The following CACNA2D3 variants were observed in gnomAD, a reference collection of about 807,000 sequenced individuals.
CACNA2D3 encodes the protein calcium voltage-gated channel auxiliary subunit alpha2delta 3, also known as voltage-dependent calcium channel subunit alpha-2/delta-3.
A neutral mutation model predicts 160.6 loss-of-function variants in CACNA2D3; 60 were observed. That is an observed-to-expected ratio of 0.37 (90% confidence interval 0.30 to 0.46). CACNA2D3 has a LOEUF of 0.46. Among genes scored for constraint, CACNA2D3 ranks in the 20% least tolerant of loss-of-function variants. The pLI, the probability that CACNA2D3 is intolerant of heterozygous loss-of-function variation, is 1.00. For missense variants in CACNA2D3, 1,205 were observed against 1,365.0 expected (o/e 0.88, Z 1.85); for synonymous variants, 558 against 492.9 (o/e 1.13, Z -1.75).
intron 24 of CACNA2D3, among the ~76,000 whole-genome samples, chr3:54,889,701 C>CAG (rs1329215933): frequency 6.6e-6 from 1 of 152,148 alleles, no homozygotes; most frequent in Non-Finnish European, 1.5e-5. Flanking sequence ...TCTGGAGCCC[C>CAG]AGAGAGACTG....
At chr3:54,804,299 T>C (rs1445723655) in intron 13 of CACNA2D3, among the ~76,000 whole-genome samples, 6 of 152,024 alleles carry the variant, frequency 3.9e-5, no homozygotes, top group African/African-American at 1.2e-4. Flanking sequence ...GTGTGCTGTA[T>C]TCAGGAAACC....
intron 27 of CACNA2D3, among the ~76,000 whole-genome samples, chr3:54,960,347 C>T (rs188840007): frequency 7.2e-5 from 11 of 152,274 alleles, no homozygotes; most frequent in Admixed American, 7.2e-4. Flanking sequence ...TTACCAACCC[C>T]CCATACCACA....
chr3:54,322,819 A>G (rs749728854), intron 3 of CACNA2D3, among the ~76,000 whole-genome samples: 20 of 138,114 alleles, frequency 1.4e-4, no homozygotes, highest in Admixed American at 3.5e-4. Flanking sequence ...TAGTGAAGAT[A>G]AAAAAAAAAA....
chr3:54,295,649 C>A (rs954686147), intron 2 of CACNA2D3, among the ~76,000 whole-genome samples: 1 of 152,170 alleles, frequency 6.6e-6, no homozygotes, highest in Non-Finnish European at 1.5e-5. Flanking sequence ...CAGGAATAGT[C>A]ACTTATGCCT....
At chr3:54,887,107 G>A (rs1559617531) in intron 23 of CACNA2D3, among the ~76,000 whole-genome samples, 1 of 151,952 alleles carries the variant, frequency 6.6e-6, no homozygotes, top group Non-Finnish European at 1.5e-5. Context: ...CCCTTTGGAT[G>A]GCAACAGACA....
intron 2 of CACNA2D3, among the ~76,000 whole-genome samples, chr3:54,305,230 T>G (rs941830389): frequency 1.3e-5 from 2 of 152,242 alleles, no homozygotes; most frequent in Non-Finnish European, 2.9e-5. Flanking sequence ...TTATGTATTT[T>G]TAATCACACA....
At chr3:54,460,205 C>T (rs1276262437) in intron 4 of CACNA2D3, among the ~76,000 whole-genome samples, 19 of 151,934 alleles carry the variant, frequency 1.3e-4, no homozygotes, top group Middle Eastern at 3.4e-3. Context: ...AGTCAGGTAG[C>T]GTGATGCCTC....
chr3:54,933,761 T>C (rs1701263535), intron 27 of CACNA2D3, among the ~76,000 whole-genome samples: 1 of 19,544 alleles, frequency 5.1e-5, no homozygotes, highest in Non-Finnish European at 7.3e-5. Context: ...TTACTATTAC[T>C]TTTTTTTTTT....
intron 5 of CACNA2D3, among the ~76,000 whole-genome samples, chr3:54,541,152 C>CT (rs1271552809): frequency 2.0e-5 from 3 of 151,576 alleles, no homozygotes; most frequent in Non-Finnish European, 4.4e-5. Context: ...TGGCGGGCGC[C>CT]TGTAGTCCCA....
In CACNA2D3 at chr3:54,688,979, CAAAAAAAAAAAAA is replaced by C. The variant is rs1162900126; in HGVS notation, c.1167+46758_1167+46770del. ...CCTGGGAGACAGTGTGAGACTGTCT[CAAAAAAAAAAAAA>C]AAAAAAAAAAAAAAAAAAAGAATGA... On this transcript the variant is annotated intron_variant, in intron 11 of 37. Coordinates refer to ENST00000474759, the MANE Select transcript of CACNA2D3 (RefSeq NM_018398.3). 3.8e-4 allele frequency among the ~76,000 whole-genome samples: 12 copies of C among 31,442 alleles called. No individual in the cohort carries two copies. In the East Asian group the frequency reaches 8.4e-3, roughly 22 times the overall value. 20.6% of individuals were successfully genotyped at this position (31,442 alleles called of 152,430 possible).
intron 31 of CACNA2D3, among the ~76,000 whole-genome samples, chr3:54,990,092 T>G (rs1702706615): frequency 6.6e-6 from 1 of 152,202 alleles, no homozygotes; most frequent in African/African-American, 2.4e-5. Context: ...ATGGGTTACA[T>G]GAAGCTGCGT....
intron 11 of CACNA2D3, among the ~76,000 whole-genome samples, chr3:54,727,721 C>T (rs1701304956): frequency 6.6e-6 from 1 of 152,108 alleles, no homozygotes; most frequent in South Asian, 2.1e-4. Flanking sequence ...AACACATGGG[C>T]ATGAGGAGGG....
intron 11 of CACNA2D3, among the ~76,000 whole-genome samples, chr3:54,723,724 A>G (rs1037277818): frequency 1.4e-4 from 21 of 152,136 alleles, no homozygotes; most frequent in Admixed American, 2.0e-4. Context: ...CCACTGTCCA[A>G]CCATTCTCAG....
At chr3:54,326,302 A>G (rs909367298) in intron 3 of CACNA2D3, among the ~76,000 whole-genome samples, 2 of 152,198 alleles carry the variant, frequency 1.3e-5, no homozygotes, top group African/African-American at 4.8e-5. Context: ...AAAAAGCTAG[A>G]GGGTACTATT....
In CACNA2D3 at chr3:55,018,246, A is replaced by G. The variant is rs749680548; in HGVS notation, c.2916A>G (p.Glu972=). The change falls in exon 35 of 38, where the codon GAA becomes GAG. Residue 972 remains glutamate, a synonymous_variant. Transcript: ENST00000474759. ...AGACCCTGGAGCCTTGTGATACTGA[A>G]TATCCAGCATTCGTCTCTGAGCGCA... is the stretch of plus-strand genomic sequence containing the variant. ...LKQTLEPCDT[E]YPAFVSERTI... 1.2e-6 allele frequency: 2 copies of G among 1,613,342 alleles called. No individual in the cohort carries two copies. The highest frequency in any genetic ancestry group is 2.2e-5 in the East Asian group (1 of 44,812).
chr3:54,836,226 C>CTTTTTTTTTTTTTTTTTTTTTTTTTT, intron 14 of CACNA2D3, among the ~76,000 whole-genome samples: 1 of 92,704 alleles, frequency 1.1e-5, no homozygotes, highest in Non-Finnish European at 2.3e-5. Context: ...TTTTTTTTTT[C>CTTTTTTTTTTTTTTTTTTTTTTTTTT]TTTTTTTTTT....
chr3:54,413,639 A>G (rs1392542938), intron 4 of CACNA2D3, among the ~76,000 whole-genome samples: 6 of 151,312 alleles, frequency 4.0e-5, no homozygotes, highest in Admixed American at 1.3e-4. Context: ...TAATTTATCT[A>G]CAAGTTTATT....
At chr3:54,293,771 T>G (rs1703266290) in intron 2 of CACNA2D3, among the ~76,000 whole-genome samples, 2 of 152,300 alleles carry the variant, frequency 1.3e-5, no homozygotes, top group Non-Finnish European at 1.5e-5. Flanking sequence ...AGAATAGATC[T>G]GTGGTTGCCA....
intron 35 of CACNA2D3, among the ~76,000 whole-genome samples, chr3:55,047,976 C>CT (rs1483085596): frequency 1.3e-5 from 2 of 148,792 alleles, no homozygotes; most frequent in African/African-American, 5.0e-5. Flanking sequence ...GCTGAAGTTG[C>CT]TTATCAGCTT....
Sources: allele counts gnomAD v4.1 joint callset (sites outside exome capture counted in the v4.1 genomes callset), GRCh38; gene constraint gnomAD v4.1.1; transcripts MANE v1.5; gene names NCBI Gene and HGNC (gene_info 2026-07-23, HGNC 2026-07-21).